The following CCDC66 variants were observed in gnomAD, a reference collection of about 807,000 sequenced individuals.
The protein encoded by CCDC66 is coiled-coil domain-containing protein 66.
A neutral mutation model predicts 128.3 loss-of-function variants in CCDC66; 133 were observed. The observed-to-expected ratio is 1.04, with a 90% CI of 0.90 to 1.20. The LOEUF (loss-of-function observed/expected upper bound fraction) is 1.20. Among genes scored for constraint, CCDC66 ranks in the 50% most tolerant of loss-of-function variants. The pLI is 0.00. For missense variants in CCDC66, 1,126 were observed against 1,075.5 expected (o/e 1.05, Z -0.66); for synonymous variants, 387 against 357.0 (o/e 1.08, Z -0.95).
Position 56,621,185 on chromosome 3 carries a change from A to AC in CCDC66, c.2761-347_2761-346insC, listed in dbSNP as rs796773946. ...AAAAAAAAACAAAACAACAACAACA[A>AC]AAAAAAAACACTGTATGTTAAGGGA... On this transcript the variant is annotated intron_variant, in intron 17 of 17. Transcript: ENST00000394672. 662 of 160,518 alleles carry AC rather than the reference A, an allele frequency of 4.1e-3. 2 individuals carry two copies. Among genetic ancestry groups the AC allele is most frequent in the African/African-American group, 6.7e-3 (279 of 41,392 alleles). The allele number at this position is 160,518 out of a possible 1,614,324, so 9.9% of individuals were successfully genotyped here. A position where few individuals can be genotyped will look rare whatever the true frequency, so the allele number is the denominator to read the frequency against.
intron 17 of CCDC66, chr3:56,620,512 G>A (rs942089581): frequency 1.3e-5 from 2 of 152,240 alleles, no homozygotes; most frequent in African/African-American, 4.8e-5. Context: ...TTGAGGAAGA[G>A]TAAGCTGTGT....
At chr3:56,571,134 G>T in intron 6 of CCDC66, 47 bp from the exon 7 acceptor site, 1 of 1,382,766 alleles carries the variant, frequency 7.2e-7, no homozygotes, top group Non-Finnish European at 9.8e-7. Flanking sequence ...ACATGGTTCT[G>T]TTTTTACAGT....
At position 56,621,558 on chromosome 3, in the gene CCDC66, G is replaced by A. The variant is rs777872945; in HGVS notation, c.2787G>A (p.Leu929=). 1 of 1,598,920 alleles carries A rather than the reference G, an allele frequency of 6.3e-7. No homozygotes were observed. Among genetic ancestry groups the A allele is most frequent in the African/African-American group, 1.3e-5 (1 of 74,416 alleles). ...RQGLLQKQKE[L]ESSLLPLAEN... ...GCCTTCTCCAGAAGCAAAAGGAGTT[G>A]GAAAGTAGTCTCCTGCCTTTAGCTG... Residue 929 remains leucine, a synonymous_variant, in exon 18 of 18, where the codon TTG becomes TTA. Transcript: ENST00000394672.
At chr3:56,576,821 T>C (rs536874465) in intron 7 of CCDC66, among the ~76,000 whole-genome samples, 2 of 151,874 alleles carry the variant, frequency 1.3e-5, no homozygotes, top group East Asian at 4.0e-4. Context: ...AGTCTATCAT[T>C]GATGGACATT....
chr3:56,590,742 C>A (rs2106893568), intron 7 of CCDC66, among the ~76,000 whole-genome samples: 1 of 151,354 alleles, frequency 6.6e-6, no homozygotes, highest in East Asian at 1.9e-4. Context: ...GACAGTGAGA[C>A]CCTGCCTAAA....
At chr3:56,592,033 G>A (rs933347372) in intron 7 of CCDC66, among the ~76,000 whole-genome samples, 3 of 152,076 alleles carry the variant, frequency 2.0e-5, no homozygotes, top group Non-Finnish European at 2.9e-5. Context: ...ATCAATTAAA[G>A]TGGCAGCAAA....
chr3:56,557,250 T>TGGGGTAAGCA lies in CCDC66; in HGVS notation c.11+7_11+16dup, dbSNP rs60235683. 1,256,940 of 1,546,866 alleles carry TGGGGTAAGCA rather than the reference T, an allele frequency of 0.81. 517,371 individuals carry two copies. The highest frequency in any genetic ancestry group is 0.85 in the Non-Finnish European group (976,900 of 1,144,410). ...AGAGTGCGAGGTCAGGCCATGAACTTGGGGTAAGCAGGGGTAAGCTGGGGT... is the reference window on the plus strand; with the variant it reads ...AGAGTGCGAGGTCAGGCCATGAACTTGGGGTAAGCAGGGGTAAGCAGGGGTAAGCTGGGGT... On this transcript the variant is annotated stop_gained and frameshift_variant, in exon 1 of 18. Transcript: ENST00000394672. LOFTEE classifies it high-confidence loss of function.
chr3:56,566,594 G>T lies in CCDC66; in HGVS notation c.545G>T (p.Ser182Ile). Residue 182 changes from serine to isoleucine, a missense_variant and splice_region_variant, in exon 5 of 18, where the codon AGT becomes ATT. By Grantham distance (142) the Ser-to-Ile change is moderately radical. Coordinates refer to ENST00000394672, the MANE Select transcript of CCDC66 (RefSeq NM_001141947.3). Reference protein sequence around the residue: ...SLTENGKEAKSQYSLYLNSIS... With the variant: ...SLTENGKEAKIQYSLYLNSIS... ...TTAAAACATGTATTTTACCTCCTAGGTCAATATAGTCTATATTTAAACAGT... is the reference window on the plus strand; with the variant it reads ...TTAAAACATGTATTTTACCTCCTAGTTCAATATAGTCTATATTTAAACAGT... 1.3e-6 allele frequency: 2 copies of T among 1,550,324 alleles called. No individual in the cohort carries two copies. The highest frequency in any genetic ancestry group is 1.8e-6 in the Non-Finnish European group (2 of 1,125,446).
rs774603825 is a variant in CCDC66, at chr3:56,617,286, A to C, written c.2018A>C (p.Glu673Ala). 14 of 1,613,708 alleles carry C rather than the reference A, an allele frequency of 8.7e-6. No individual in the cohort carries two copies. The highest frequency in any genetic ancestry group is 1.2e-5 in the Non-Finnish European group (14 of 1,179,950). The change falls in exon 14 of 18, where the codon GAA becomes GCA. Residue 673 changes from glutamate (E) to alanine (A), a missense_variant. Transcript: ENST00000394672. ...TQDKGASLEK[E>A]NNRCNDQCNQ... ...GATAAAGGAGCCAGCTTAGAAAAAG[A>C]AAACAATCGGTGTAATGACCAGTGT...
chr3:56,581,167 C>T (rs924611739), intron 7 of CCDC66, among the ~76,000 whole-genome samples: 1 of 151,820 alleles, frequency 6.6e-6, no homozygotes, highest in Non-Finnish European at 1.5e-5. Flanking sequence ...GATCTTCAGT[C>T]ACTGATACCC....
intron 3 of CCDC66, among the ~76,000 whole-genome samples, chr3:56,560,045 G>GT (rs1282697330): frequency 1.3e-5 from 2 of 152,138 alleles, no homozygotes; most frequent in Non-Finnish European, 2.9e-5. Flanking sequence ...AAACAGAAAT[G>GT]TTTTTTCTTT....
intron 10 of CCDC66, among the ~76,000 whole-genome samples, chr3:56,598,341 TTTTTA>T (rs71621828): frequency 0.032 from 4,825 of 151,760 alleles, 110 homozygotes; most frequent in Middle Eastern, 0.072. Flanking sequence ...CATAGGGGAC[TTTTTA>T]TTTTATTTTA....
At chr3:56,600,228 G>A (rs755648509) in intron 10 of CCDC66, among the ~76,000 whole-genome samples, 18 of 148,350 alleles carry the variant, frequency 1.2e-4, no homozygotes, top group Non-Finnish European at 2.4e-4. Flanking sequence ...AGCTCACTGC[G>A]ACCTCTGCCT....
In CCDC66 at chr3:56,566,984, A is replaced by G; in HGVS notation, c.745A>G (p.Thr249Ala). 6.2e-7 allele frequency: 1 copy of G among 1,614,122 alleles called. No homozygotes were observed. The highest frequency in any genetic ancestry group is 8.5e-7 in the Non-Finnish European group (1 of 1,179,986). The change falls in exon 6 of 18, where the codon ACT becomes GCT. Residue 249 changes from threonine to alanine, a missense_variant. Coordinates refer to ENST00000394672, the MANE Select transcript of CCDC66 (RefSeq NM_001141947.3). Reference sequence around the variant, plus strand: ...ATGGAAACCAGCTGATATATTCAGTACTCTGGGGGAAAGGGAATGTGATAG... The same window carrying G: ...ATGGAAACCAGCTGATATATTCAGTGCTCTGGGGGAAAGGGAATGTGATAG... ...NEWKPADIFS[T>A]LGERECDRSS...
chr3:56,571,127 T>C lies in CCDC66; in HGVS notation c.815-54T>C, dbSNP rs1055485647. On this transcript the variant is annotated intron_variant, in intron 6 of 17. Coordinates refer to ENST00000394672, the MANE Select transcript of CCDC66 (RefSeq NM_001141947.3). ...ATTAAGAAGGTCAGATTTGTTTACA[T>C]GGTTCTGTTTTTACAGTTTTTGTAC... is the stretch of plus-strand genomic sequence containing the variant. 28 of 1,337,910 alleles carry C rather than the reference T, an allele frequency of 2.1e-5. No individual in the cohort carries two copies. The East Asian group carries it at 6.5e-4, about 31-fold the overall frequency. The allele number at this position is 1,337,910 out of a possible 1,614,324, so 82.9% of individuals were successfully genotyped here. A position where few individuals can be genotyped will look rare whatever the true frequency, so the allele number is the denominator to read the frequency against.
rs1455860087 is a variant in CCDC66 at position 56,617,559 on chromosome 3, C to G, written c.2291C>G (p.Ser764Cys). 48 of 1,609,412 alleles carry G rather than the reference C, an allele frequency of 3.0e-5. No individual in the cohort carries two copies. The highest frequency in any genetic ancestry group is 4.0e-5 in the Non-Finnish European group (47 of 1,178,940). The part of the protein sequence containing the change: ...RGISPEIFHS[S>C]HQETESKLRW... Reference sequence around the variant, plus strand: ...ATTTCACCAGAAATTTTTCATTCATCTCATCAAGAAACGGAGTCAAAGTTG... The same window carrying G: ...ATTTCACCAGAAATTTTTCATTCATGTCATCAAGAAACGGAGTCAAAGTTG... Residue 764 changes from serine (S) to cysteine (C), a missense_variant, in exon 14 of 18, where the codon TCT becomes TGT. Coordinates refer to ENST00000394672, the MANE Select transcript of CCDC66 (RefSeq NM_001141947.3).
Position 56,566,727 on chromosome 3 carries a change from GAC to G in CCDC66, c.680_681del (p.Thr227IlefsTer2). The G allele has an allele frequency of 6.2e-7, 1 of 1,613,672 alleles. No homozygotes were observed. The highest frequency in any genetic ancestry group is 8.5e-7 in the Non-Finnish European group (1 of 1,179,830). On this transcript the variant is annotated frameshift_variant, in exon 5 of 18. Transcript: ENST00000394672. LOFTEE classifies it high-confidence loss of function. ...AATCTGTCTTAAATGAACATCAGGA[GAC>G]ATCTAAACAGTGTGAGCAAAAAATT... Reference protein sequence around the residue: ...NKSVLNEHQETSKQCEQKIAI... With the variant: ...NKSVLNEHQEXSKQCEQKIAI...
At chr3:56,558,163 C>T (rs954789895) in intron 1 of CCDC66, among the ~76,000 whole-genome samples, 11 of 152,282 alleles carry the variant, frequency 7.2e-5, no homozygotes, top group Admixed American at 5.9e-4. Context: ...CCCAGCCTCT[C>T]TCTCCCTTGA....
rs1351033001 is a variant in CCDC66, at chr3:56,619,873, T to C, written c.2732T>C (p.Ile911Thr). ...MVKNRDRQQAILKGLSELRQG... is the reference protein window; with the variant it reads ...MVKNRDRQQATLKGLSELRQG... ...AAAAATAGGGATCGACAGCAAGCAA[T>C]CCTTAAGGGACTTTCAGAACTGAGA... Residue 911 changes from isoleucine to threonine, a missense_variant, in exon 17 of 18, where the codon ATC (isoleucine) becomes ACC (threonine). Physicochemically the swap from Ile to Thr is moderately conservative, Grantham distance 89. Transcript: ENST00000394672. 5.0e-6 allele frequency: 8 copies of C among 1,614,070 alleles called. No individual in the cohort carries two copies. The South Asian group carries it at 8.8e-5, about 18-fold the overall frequency.
Sources: gnomAD v4.1 joint callset for allele counts (sites outside exome capture counted in the v4.1 genomes callset) on GRCh38, gnomAD v4.1.1 for gene constraint, MANE v1.5 for transcripts, NCBI Gene and HGNC (gene_info 2026-07-23, HGNC 2026-07-21) for gene names.